BMI1: variants seen among roughly 807,000 people sequenced by gnomAD.
The protein encoded by BMI1 is polycomb complex protein BMI-1.
In BMI1, 9 loss-of-function variants were observed where a neutral mutation model predicts 39.1. The observed-to-expected ratio is 0.23, with a 90% CI of 0.14 to 0.40. The LOEUF (loss-of-function observed/expected upper bound fraction) is 0.40, where lower values mean the gene tolerates loss of function less well. Among genes scored for constraint, BMI1 ranks in the 10% least tolerant of loss-of-function variants. The pLI, the probability that BMI1 is intolerant of heterozygous loss-of-function variation, is 1.00. For synonymous variants in BMI1, 131 were observed against 127.9 expected (o/e 1.02, Z -0.16); for missense variants, 252 against 390.8 (o/e 0.64, Z 2.99).
rs1372324833 is a variant in BMI1 at position 22,329,186 on chromosome 10, G to A, written c.652-27G>A. On this transcript the variant is annotated intron_variant, in intron 9 of 9. Coordinates refer to ENST00000376663, the MANE Select transcript of BMI1 (RefSeq NM_005180.9). ...GTAAACTATATTTAAAGAATTAAGA[G>A]TAATTTTTTTCCTTTTAACTTTGTA... 5 of 1,610,746 alleles carry A rather than the reference G, an allele frequency of 3.1e-6. No individual in the cohort carries two copies. The South Asian group carries it at 3.3e-5, about 11-fold the overall frequency.
At position 22,329,141 on chromosome 10, in the gene BMI1, T is replaced by C. The variant is rs1021965235; in HGVS notation, c.651+13T>C. On this transcript the variant is annotated intron_variant, in intron 9 of 9. Coordinates refer to ENST00000376663, the MANE Select transcript of BMI1 (RefSeq NM_005180.9). ...TACCTGGAGAAGGGTAAGTAGCATA[T>C]CTGTTGTTAGATTATGATGGTAAAC... 6.2e-7 allele frequency: 1 copy of C among 1,611,666 alleles called. No homozygotes were observed. The highest frequency in any genetic ancestry group is 2.2e-5 in the East Asian group (1 of 44,878).
chr10:22,327,513 C>A, intron 3 of BMI1, 82 bp from the exon 4 acceptor site: 1 of 1,354,918 alleles, frequency 7.4e-7, no homozygotes, highest in Non-Finnish European at 1.0e-6. Flanking sequence ...TATTATAGCA[C>A]AAAAGAAGAC....
chr10:22,327,622 A>G lies in BMI1; in HGVS notation c.237A>G (p.Val79=). The part of the protein sequence containing the change: ...IRSDKTLQDI[V]YKLVPGLFKN... Reference sequence around the variant, plus strand: ...CAGATAAAACTCTCCAAGATATTGTATACAAATTAGTTCCAGGGCTTTTCA... The same window carrying G: ...CAGATAAAACTCTCCAAGATATTGTGTACAAATTAGTTCCAGGGCTTTTCA... The change falls in exon 4 of 10, where the codon GTA becomes GTG. Residue 79 remains valine (V), a synonymous_variant. Coordinates refer to ENST00000376663, the MANE Select transcript of BMI1 (RefSeq NM_005180.9). 6.2e-7 allele frequency: 1 copy of G among 1,612,430 alleles called. No individual in the cohort carries two copies. Among genetic ancestry groups the G allele is most frequent in the South Asian group, 1.1e-5 (1 of 90,838 alleles).
In BMI1 at chr10:22,329,454, A is replaced by G. The variant is rs866781440; in HGVS notation, c.893A>G (p.Asn298Ser). ...HISSTMNGTS[N>S]SPSGNHQSSF... ...TCCAGTACTATGAATGGAACCAGCA[A>G]CAGCCCCAGCGGTAACCACCAATCT... The change falls in exon 10 of 10, where the codon AAC becomes AGC. Residue 298 changes from asparagine to serine, a missense_variant. Transcript: ENST00000376663. 1 of 1,614,186 alleles carries G rather than the reference A, an allele frequency of 6.2e-7. No individual in the cohort carries two copies. The highest frequency in any genetic ancestry group is 8.5e-7 in the Non-Finnish European group (1 of 1,180,020).
intron 3 of BMI1, 82 bp from the exon 4 acceptor site, chr10:22,327,513 C>G (rs547121387): frequency 8.3e-5 from 113 of 1,354,918 alleles, no homozygotes; most frequent in Admixed American, 7.5e-4. Context: ...TATTATAGCA[C>G]AAAAGAAGAC....
chr10:22,328,493 T>C, intron 7 of BMI1, 107 bp from the exon 8 acceptor site: 1 of 1,184,262 alleles, frequency 8.4e-7, no homozygotes, highest in Non-Finnish European at 1.2e-6. Flanking sequence ...GTTGGTCACC[T>C]CCAATTTTGT....
intron 2 of BMI1, 91 bp from the exon 3 acceptor site, chr10:22,326,799 A>G (rs1048850891): frequency 6.7e-7 from 1 of 1,495,890 alleles, no homozygotes; most frequent in Non-Finnish European, 9.2e-7. Flanking sequence ...GCCTTTCACC[A>G]TCTTGTTTTC....
chr10:22,328,762 C>T, intron 8 of BMI1, 64 bp downstream of exon 8: 1 of 1,485,612 alleles, frequency 6.7e-7, no homozygotes, highest in Admixed American at 2.5e-5. Flanking sequence ...ACATTTTTCA[C>T]TTTGGATTTT....
At chr10:22,328,831 T>C (rs1836220393) in intron 8 of BMI1, 133 bp downstream of exon 8, 1 of 1,046,152 alleles carries the variant, frequency 9.6e-7, no homozygotes, top group Non-Finnish European at 1.3e-6. Flanking sequence ...GAAATTTATC[T>C]TAAAACATTT....
chr10:22,329,219 C>A lies in BMI1; in HGVS notation c.658C>A (p.Pro220Thr). 1 of 1,613,564 alleles carries A rather than the reference C, an allele frequency of 6.2e-7. No individual in the cohort carries two copies. The highest frequency in any genetic ancestry group is 8.5e-7 in the Non-Finnish European group (1 of 1,179,688). ...AYIYTWRRNG[P>T]LPLKYRVRPT... is the part of the protein sequence containing the mutation. ...TTTCCTTTTAACTTTGTAGAATGGT[C>A]CACTTCCATTGAAATACAGAGTTCG... is the stretch of plus-strand genomic sequence containing the variant. Residue 220 changes from proline (P) to threonine (T), a missense_variant, in exon 10 of 10, where the codon CCA (proline) becomes ACA (threonine). Pro to Thr is a conservative substitution (Grantham distance 38, BLOSUM62 -1). This residue lies in a region of BMI1 where 27 missense variants were observed against 77.4 expected (regional missense o/e 0.35). Transcript: ENST00000376663.
rs761763487 is a variant in BMI1, at chr10:22,329,305, A to T, written c.744A>T (p.Glu248Asp). Residue 248 changes from glutamate to aspartate, a missense_variant, in exon 10 of 10, where the codon GAA (glutamate) becomes GAT (aspartate). By Grantham distance (45) the Glu-to-Asp change is conservative. Around this residue, in one of 4 missense-constraint regions of BMI1, gnomAD observed 96 missense variants for 120.2 expected, o/e 0.80. Transcript: ENST00000376663. ...HQRDGLTNAGELESDSGSDKA... is the reference protein window; with the variant it reads ...HQRDGLTNAGDLESDSGSDKA... ...GAGATGGACTGACAAATGCTGGAGAACTGGAAAGTGACTCTGGGAGTGACA... is the reference window on the plus strand; with the variant it reads ...GAGATGGACTGACAAATGCTGGAGATCTGGAAAGTGACTCTGGGAGTGACA... 3.1e-6 allele frequency: 5 copies of T among 1,614,084 alleles called. No individual in the cohort carries two copies. The African/African-American group carries it at 6.7e-5, about 22-fold the overall frequency.
chr10:22,321,926 C>T (rs1450223772), intron 1 of BMI1, among the ~76,000 whole-genome samples: 2 of 144,960 alleles, frequency 1.4e-5, no homozygotes, highest in Non-Finnish European at 3.1e-5. Flanking sequence ...CGCCGCCGCC[C>T]GCCGACTCCC....
At position 22,330,287 on chromosome 10, in the gene BMI1, G is replaced by C. The variant is rs1836255893; in HGVS notation, c.*745G>C. On this transcript the variant is annotated 3_prime_UTR_variant, in exon 10 of 10. Transcript: ENST00000376663. ...AGTATTGTATGATATATTTATAAAT[G>C]CTATAAAGAAATATTGTGTTTCATG... The C allele has an allele frequency of 6.6e-6, 1 of 152,602 alleles. No homozygotes were observed. Among genetic ancestry groups the C allele is most frequent in the South Asian group, 2.1e-4 (1 of 4,836 alleles). The allele number at this position is 152,602 out of a possible 1,614,324, so 9.5% of individuals were successfully genotyped here.
At chr10:22,322,371 T>G (rs1338704227) in intron 1 of BMI1, among the ~76,000 whole-genome samples, 2 of 152,138 alleles carry the variant, frequency 1.3e-5, no homozygotes, top group Non-Finnish European at 2.9e-5. Context: ...ACGAAAATGT[T>G]ATTAACTTAA....
intron 1 of BMI1, chr10:22,322,238 C>T (rs1342734017): frequency 6.6e-6 from 1 of 152,180 alleles, no homozygotes; most frequent in Admixed American, 6.5e-5. Context: ...GGCTTCCCTC[C>T]TCTCCCGAAG....
intron 2 of BMI1, 125 bp from the exon 3 acceptor site, chr10:22,326,765 G>A (rs1836164457): frequency 7.4e-7 from 1 of 1,352,854 alleles, no homozygotes; most frequent in South Asian, 1.4e-5. Flanking sequence ...CTCAGGATAT[G>A]AATTAGCTTA....
In BMI1 at chr10:22,329,602, C is replaced by G; in HGVS notation, c.*60C>G. The G allele has an allele frequency of 3.9e-6, 6 of 1,535,082 alleles. No homozygotes were observed. The highest frequency in any genetic ancestry group is 1.9e-5 in the Admixed American group (1 of 51,570). ...CCTGATTTATATAGATATCTTCATG[C>G]CATTACAGCTTTCTAGATGCTAATA... On this transcript the variant is annotated 3_prime_UTR_variant, in exon 10 of 10. Coordinates refer to ENST00000376663, the MANE Select transcript of BMI1 (RefSeq NM_005180.9).
At chr10:22,326,350 T>G in intron 1 of BMI1, 81 bp from the exon 2 acceptor site, 1 of 1,563,686 alleles carries the variant, frequency 6.4e-7, no homozygotes, top group Non-Finnish European at 8.6e-7. Context: ...TTTTATAAAT[T>G]CAGTGTTTCA....
chr10:22,324,995 T>A (rs1836097290), intron 1 of BMI1, among the ~76,000 whole-genome samples: 1 of 152,242 alleles, frequency 6.6e-6, no homozygotes. Context: ...GACAAGCTGT[T>A]GATTTAGCGT....
Sources: allele counts gnomAD v4.1 joint callset (sites outside exome capture counted in the v4.1 genomes callset), GRCh38; gene constraint gnomAD v4.1.1; regional missense constraint gnomAD v4.1.1; transcripts MANE v1.5; gene names NCBI Gene and HGNC (gene_info 2026-07-23, HGNC 2026-07-21).